Variants in ARHGEF18 observed in about 807,000 individuals in gnomAD.
ARHGEF18 encodes Rho/Rac guanine nucleotide exchange factor 18, also known as rho guanine nucleotide exchange factor 18.
In ARHGEF18, 93 loss-of-function variants were observed where a neutral mutation model predicts 155.7. That is an observed-to-expected ratio of 0.60 (90% CI 0.50 to 0.71). The LOEUF is 0.71. Ranked by LOEUF, ARHGEF18 falls within the 30% of genes least tolerant of loss-of-function variation. The pLI, the probability that ARHGEF18 is intolerant of heterozygous loss-of-function variation, is 0.00. For synonymous variants in ARHGEF18, 742 were observed against 753.1 expected, an observed-to-expected ratio of 0.99 and a Z score of 0.24; for missense variants, 1,593 against 1,816.1, an observed-to-expected ratio of 0.88 and a Z score of 2.23.
Position 7,367,842 on chromosome 19 carries a change from T to A in ARHGEF18, c.15+4937T>A, listed in dbSNP as rs1317067623. ...ATATATATATACACATATATATATT[T>A]TATATATATATATACACATATATAT... On this transcript the variant is annotated intron_variant, in intron 2 of 28. Coordinates refer to ENST00000668164, the MANE Select transcript of ARHGEF18 (RefSeq NM_001367823.1). 1.9e-3 allele frequency among the ~76,000 whole-genome samples: 25 copies of A among 12,986 alleles called. 6 individuals are homozygous for A. Among genetic ancestry groups the A allele is most frequent in the African/African-American group, 2.3e-3 (9 of 3,970 alleles). 8.5% of individuals were successfully genotyped at this position (12,986 alleles called of 152,430 possible).
intron 10 of ARHGEF18, among the ~76,000 whole-genome samples, chr19:7,419,009 C>T (rs530450314): frequency 3.1e-4 from 47 of 150,974 alleles, no homozygotes; most frequent in South Asian, 2.5e-3. Flanking sequence ...CAGGTGCACC[C>T]GCACTCGGCC....
rs1013058382 is a variant in ARHGEF18 at position 7,471,184 on chromosome 19, G to A, written c.*886G>A. The A allele has an allele frequency of 7.9e-5, 16 of 203,740 alleles. No individual in the cohort carries two copies. Among genetic ancestry groups the A allele is most frequent in the Admixed American group, 2.4e-4 (4 of 16,708 alleles). 12.6% of individuals were successfully genotyped at this position (203,740 alleles called of 1,614,324 possible). A position where few individuals can be genotyped will look rare whatever the true frequency, so the allele number is the denominator to read the frequency against. ...CGGGAAATGAGCTCCCAGGGCTGGC[G>A]TCCCACCTTCCAGGTGGGGGCTGGC... On this transcript the variant is annotated 3_prime_UTR_variant, in exon 29 of 29. Coordinates refer to ENST00000668164, the MANE Select transcript of ARHGEF18 (RefSeq NM_001367823.1). The surrounding 1 kb of genome is among the most constrained non-coding windows in gnomAD (Gnocchi z 4.4).
intron 10 of ARHGEF18, among the ~76,000 whole-genome samples, chr19:7,426,649 G>A (rs1171039946): frequency 6.6e-6 from 1 of 152,090 alleles, no homozygotes; most frequent in African/African-American, 2.4e-5. Flanking sequence ...GCAAAATCAC[G>A]TAGTATTTTC....
chr19:7,415,306 C>T (rs569618891), intron 10 of ARHGEF18, among the ~76,000 whole-genome samples: 15 of 152,154 alleles, frequency 9.9e-5, no homozygotes, highest in East Asian at 9.7e-4. Flanking sequence ...GAGCGCAACA[C>T]CCCGTGCCAG....
At chr19:7,375,442 A>AGG (rs1239807383) in intron 3 of ARHGEF18, among the ~76,000 whole-genome samples, 115 of 152,172 alleles carry the variant, frequency 7.6e-4, no homozygotes, top group Non-Finnish European at 1.4e-3. Context: ...GAAGAAAAGA[A>AGG]AAGAAAGAAA....
At chr19:7,362,295 A>G (rs1341979496) in intron 1 of ARHGEF18, among the ~76,000 whole-genome samples, 2 of 150,612 alleles carry the variant, frequency 1.3e-5, no homozygotes, top group Non-Finnish European at 2.9e-5. Context: ...AGGAGGAGGA[A>G]GAAGGAGAAG....
intron 10 of ARHGEF18, among the ~76,000 whole-genome samples, chr19:7,399,581 C>T (rs1008090979): frequency 4.6e-5 from 7 of 151,486 alleles, no homozygotes; most frequent in African/African-American, 1.2e-4. Flanking sequence ...TCCGGGTTCA[C>T]GCCATTCTCC....
rs542987469 is a variant in ARHGEF18, at chr19:7,387,403, C to G, written c.967+4200C>G. The stretch of plus-strand genomic sequence containing the variant: ...TCCTGACCTCGTGATCTGCCCGTCT[C>G]GGTCTCCCAAAGTGCTGGGATTATA... On this transcript the variant is annotated intron_variant, in intron 10 of 28. Coordinates refer to ENST00000668164, the MANE Select transcript of ARHGEF18 (RefSeq NM_001367823.1). Among the ~76,000 whole-genome samples the G allele has an allele frequency of 5.9e-5, 9 of 152,168 alleles. No individual in the cohort carries two copies. In the South Asian group the frequency reaches 1.3e-3, roughly 21 times the overall value.
At chr19:7,363,497 A>G (rs1437317407) in intron 2 of ARHGEF18, among the ~76,000 whole-genome samples, 1 of 151,892 alleles carries the variant, frequency 6.6e-6, no homozygotes, top group East Asian at 1.9e-4. Flanking sequence ...TTGATGAATG[A>G]AAGAGTAGAA....
In ARHGEF18 at chr19:7,406,890, TA is replaced by T. The variant is rs544382506; in HGVS notation, c.967+23696del. Among the ~76,000 whole-genome samples, 6 of 145,600 alleles carry T rather than the reference TA, an allele frequency of 4.1e-5. No homozygotes were observed. In the East Asian group the frequency reaches 8.1e-4, roughly 20 times the overall value. ...TAACACAGTGAAACCCCGTCTCTAC[TA>T]AAAAAAAACAAAAAAAAACAAAAAT... On this transcript the variant is annotated intron_variant, in intron 10 of 28. Transcript: ENST00000668164.
At chr19:7,431,819 A>G (rs1973989872) in intron 10 of ARHGEF18, among the ~76,000 whole-genome samples, 1 of 152,260 alleles carries the variant, frequency 6.6e-6, no homozygotes, top group African/African-American at 2.4e-5. Flanking sequence ...CAGCTCAAAC[A>G]AAAGAAATAC....
chr19:7,479,450 C>T, the ARHGEF18 span, among the ~76,000 whole-genome samples: 25,881 of 152,192 alleles, frequency 0.17, 2,393 homozygotes, highest in Non-Finnish European at 0.22. Context: ...CACCACTGCA[C>T]TCCAGCCTGG....
intron 13 of ARHGEF18, among the ~76,000 whole-genome samples, chr19:7,443,055 A>ATT (rs10600280): frequency 5.4e-4 from 44 of 81,182 alleles, no homozygotes; most frequent in East Asian, 1.1e-3. Flanking sequence ...TGCCCAGCTA[A>ATT]TTTTTTTTTT....
rs2145794880 is a variant in ARHGEF18 at position 7,444,440 on chromosome 19, C to T, written c.1597C>T (p.Leu533Phe). The change falls in exon 14 of 29, where the codon CTC becomes TTC. Residue 533 changes from leucine (L) to phenylalanine (F), a missense_variant. Physicochemically the swap from Leu to Phe is conservative, Grantham distance 22 (BLOSUM62 0). Coordinates refer to ENST00000668164, the MANE Select transcript of ARHGEF18 (RefSeq NM_001367823.1). This position sits in a 1 kb window ranked among gnomAD's most constrained non-coding sequence, Gnocchi z 4.7. ...TTATGTCATCCAGAAAATCGGCGAC[C>T]TCCTGGTTCAGCAGGTGGGTGCAGC... ...RNYVIQKIGD[L>F]LVQQFSGENG... is the part of the protein sequence containing the mutation. The T allele has an allele frequency of 1.9e-6, 3 of 1,613,562 alleles. No homozygotes were observed. Among genetic ancestry groups the T allele is most frequent in the African/African-American group, 2.7e-5 (2 of 75,066 alleles).
At chr19:7,458,439 G>A in intron 18 of ARHGEF18, 73 bp from the exon 19 acceptor site, 1 of 1,449,984 alleles carries the variant, frequency 6.9e-7, no homozygotes, top group South Asian at 1.3e-5. Flanking sequence ...CCCCTCACCA[G>A]GCCCTTGACC....
intron 2 of ARHGEF18, among the ~76,000 whole-genome samples, chr19:7,370,014 T>G (rs1410209368): frequency 1.3e-5 from 2 of 150,982 alleles, no homozygotes; most frequent in Non-Finnish European, 2.9e-5. Flanking sequence ...CTCGGCAACA[T>G]GATGAAACCG....
chr19:7,388,135 T>C (rs1372496853), intron 10 of ARHGEF18, among the ~76,000 whole-genome samples: 1 of 152,078 alleles, frequency 6.6e-6, no homozygotes, highest in Non-Finnish European at 1.5e-5. Context: ...TCCAACAGCG[T>C]CTAATTTCCT....
At chr19:7,381,073 C>G in intron 8 of ARHGEF18, 79 bp downstream of exon 8, 3 of 1,113,234 alleles carry the variant, frequency 2.7e-6, no homozygotes, top group Non-Finnish European at 3.4e-6. Flanking sequence ...TGGGCCAGAC[C>G]CCCCATGCTG....
chr19:7,379,026 C>A, intron 6 of ARHGEF18, 96 bp from the exon 7 acceptor site: 1 of 1,107,800 alleles, frequency 9.0e-7, no homozygotes, highest in Non-Finnish European at 1.1e-6. Flanking sequence ...GCATCAGGAC[C>A]TGAGGCCTGC....
Sources: allele counts gnomAD v4.1 joint callset (sites outside exome capture counted in the v4.1 genomes callset), GRCh38; gene constraint gnomAD v4.1.1; non-coding constraint Gnocchi (gnomAD v3.1); transcripts MANE v1.5; gene names NCBI Gene and HGNC (gene_info 2026-07-23, HGNC 2026-07-21).